The following ZC3HAV1 variants were observed in gnomAD, a reference collection of about 807,000 sequenced individuals.
ZC3HAV1 encodes zinc finger CCCH-type antiviral protein 1.
Under a neutral mutation model 86.6 loss-of-function variants are expected in ZC3HAV1, and 41 were observed. The ratio of observed to expected loss-of-function variants is 0.47; its 90% confidence interval spans 0.37 to 0.61. The LOEUF is 0.61. Among genes scored for constraint, ZC3HAV1 ranks in the 20% least tolerant of loss-of-function variants. ZC3HAV1 has a pLI of 0.00. For missense variants in ZC3HAV1, 964 were observed against 1,141.1 expected (o/e 0.84, Z 2.24); for synonymous variants, 421 against 432.1 (o/e 0.97, Z 0.32).
At chr7:139,090,254 A>C (rs1322518985) in intron 1 of ZC3HAV1, among the ~76,000 whole-genome samples, 3 of 152,154 alleles carry the variant, frequency 2.0e-5, no homozygotes, top group Non-Finnish European at 4.4e-5. Flanking sequence ...TTTAAATATT[A>C]ACAGTAATTT....
rs564478705 is a variant in ZC3HAV1 at position 139,089,592 on chromosome 7, C to T, written c.444+32G>A. The T allele has an allele frequency of 3.2e-6, 5 of 1,570,046 alleles. No homozygotes were observed. The Admixed American group carries it at 8.0e-5, about 25-fold the overall frequency. ...GTGACACAATACTGCCAGTAATATTCTCCCTCCTTAAACTGAGGAATCACA... is the reference window on the plus strand; with the variant it reads ...GTGACACAATACTGCCAGTAATATTTTCCCTCCTTAAACTGAGGAATCACA... On this transcript the variant is annotated intron_variant, in intron 2 of 12. Coordinates refer to ENST00000242351, the MANE Select transcript of ZC3HAV1 (RefSeq NM_020119.4).
intron 7 of ZC3HAV1, among the ~76,000 whole-genome samples, chr7:139,069,523 A>G (rs1816706374): frequency 6.6e-6 from 1 of 151,858 alleles, no homozygotes; most frequent in African/African-American, 2.4e-5. Flanking sequence ...GCACTCCCTA[A>G]CTGGTGCACA....
At chr7:139,055,494 T>G (rs2297240) in intron 9 of ZC3HAV1, among the ~76,000 whole-genome samples, 199 bp from the exon 10 acceptor site, 3 of 152,030 alleles carry the variant, frequency 2.0e-5, no homozygotes, top group African/African-American at 7.2e-5. Flanking sequence ...ATGCTGCAAC[T>G]ATTCATAATC....
rs1329168806 is a variant in ZC3HAV1, at chr7:139,047,697, T to G, written c.2606A>C (p.Asp869Ala). Residue 869 changes from aspartate to alanine, a missense_variant, in exon 13 of 13, where the codon GAT (aspartate) becomes GCT (alanine). Transcript: ENST00000242351. ...AAAAACGGAGGGATTCGATCTGGTA[T>G]CCACACAGCTGTCGAACTGTGGAGG... ...SPPPQFDSCV[D>A]TRSNPSVFVI... is the part of the protein sequence containing the mutation. The G allele has an allele frequency of 6.2e-7, 1 of 1,614,032 alleles. No individual in the cohort carries two copies. The highest frequency in any genetic ancestry group is 8.5e-7 in the Non-Finnish European group (1 of 1,180,038).
intron 8 of ZC3HAV1, among the ~76,000 whole-genome samples, chr7:139,062,341 C>T (rs1017501474): frequency 2.0e-5 from 3 of 152,328 alleles, no homozygotes; most frequent in South Asian, 4.1e-4. Context: ...CTGCTCTCAT[C>T]TCTTACAGAC....
chr7:139,073,084 T>C (rs924996580), intron 7 of ZC3HAV1, among the ~76,000 whole-genome samples: 2 of 152,068 alleles, frequency 1.3e-5, no homozygotes, highest in Non-Finnish European at 2.9e-5. Flanking sequence ...TAACCTGAGG[T>C]CAGGAGTTCA....
intron 1 of ZC3HAV1, among the ~76,000 whole-genome samples, chr7:139,096,137 C>A (rs1584870571): frequency 6.6e-6 from 1 of 152,158 alleles, no homozygotes; most frequent in Non-Finnish European, 1.5e-5. Context: ...GCCTCAGCCT[C>A]CCGAGTAGCT....
chr7:139,056,383 T>G (rs1160115301), intron 9 of ZC3HAV1, among the ~76,000 whole-genome samples: 4 of 144,348 alleles, frequency 2.8e-5, no homozygotes, highest in African/African-American at 1.0e-4. Flanking sequence ...TTTATTGTTT[T>G]TTTTTTTTCC....
In ZC3HAV1 at chr7:139,073,655, T is replaced by C. The variant is rs552069223; in HGVS notation, c.1872+201A>G. On this transcript the variant is annotated intron_variant, in intron 7 of 12. Transcript: ENST00000242351. ...ATAGGCGCCTGCCACCACGCCTGGC[T>C]AATTTTTGTATTTTTAATAGAGATG... is the stretch of plus-strand genomic sequence containing the variant. Among the ~76,000 whole-genome samples the C allele has an allele frequency of 5.9e-5, 9 of 152,134 alleles. No homozygotes were observed. The South Asian group carries it at 1.9e-3, about 32-fold the overall frequency.
At chr7:139,101,493 C>A (rs1817767563) in intron 1 of ZC3HAV1, among the ~76,000 whole-genome samples, 8 of 102,310 alleles carry the variant, frequency 7.8e-5, no homozygotes, top group Non-Finnish European at 1.2e-4. Flanking sequence ...AGCCCGGCCA[C>A]CACCCCGTCT....
In ZC3HAV1 at chr7:139,108,197, C is replaced by G. The variant is rs1162655878; in HGVS notation, c.308+827G>C. Among the ~76,000 whole-genome samples the G allele has an allele frequency of 1.3e-5, 2 of 151,716 alleles. No homozygotes were observed. The highest frequency in any genetic ancestry group is 3.9e-4 in the East Asian group (2 of 5,160). ...GCAGCTGTCCTCGAGGGAGCAAGCT[C>G]TCTTAGGGAGAAACTGGGAAGAAAA... On this transcript the variant is annotated intron_variant, in intron 1 of 12. Transcript: ENST00000242351. This position sits in a 1 kb window ranked among gnomAD's most constrained non-coding sequence, Gnocchi z 4.2.
intron 1 of ZC3HAV1, among the ~76,000 whole-genome samples, chr7:139,101,501 T>A (rs1200033614): frequency 2.0e-5 from 2 of 101,826 alleles, no homozygotes; most frequent in African/African-American, 3.9e-5. Flanking sequence ...CACCACCCCG[T>A]CTGGGAGGTG....
At chr7:139,076,591 A>G (rs1381648156) in intron 5 of ZC3HAV1, among the ~76,000 whole-genome samples, 182 bp from the exon 6 acceptor site, 3 of 152,122 alleles carry the variant, frequency 2.0e-5, no homozygotes, top group Non-Finnish European at 4.4e-5. Context: ...TTGGAGACTC[A>G]TCAGAAAACA....
chr7:139,066,014 G>T (rs1473276501), intron 7 of ZC3HAV1, among the ~76,000 whole-genome samples: 2 of 152,142 alleles, frequency 1.3e-5, no homozygotes, highest in Non-Finnish European at 2.9e-5. Context: ...AGGTAAAAGG[G>T]AAATGAGTTG....
chr7:139,089,562 T>C (rs1364472860), intron 2 of ZC3HAV1, 62 bp downstream of exon 2: 1 of 1,497,178 alleles, frequency 6.7e-7, no homozygotes, highest in African/African-American at 1.4e-5. Context: ...TACTCCAAAA[T>C]ATCTGTGACA....
intron 7 of ZC3HAV1, among the ~76,000 whole-genome samples, chr7:139,067,350 T>C (rs898702445): frequency 6.6e-6 from 1 of 152,128 alleles, no homozygotes. Context: ...AGGGTTTCAC[T>C]GTATTGATCA....
chr7:139,052,645 A>G (rs1334814898), intron 12 of ZC3HAV1, among the ~76,000 whole-genome samples: 8 of 149,502 alleles, frequency 5.4e-5, no homozygotes, highest in Non-Finnish European at 1.2e-4. Context: ...GCATGCATCC[A>G]GGAGCAGTGG....
intron 9 of ZC3HAV1, among the ~76,000 whole-genome samples, chr7:139,056,391 TC>T (rs1303519286): frequency 1.6e-4 from 18 of 109,466 alleles, no homozygotes; most frequent in African/African-American, 6.3e-4. Flanking sequence ...TTTTTTTTTT[TC>T]CTTTTTCTTT....
chr7:139,102,690 G>A (rs1024535670), intron 1 of ZC3HAV1, among the ~76,000 whole-genome samples: 6 of 151,412 alleles, frequency 4.0e-5, no homozygotes, highest in Admixed American at 2.0e-4. Flanking sequence ...CCAGGCACTC[G>A]AGACCAGCCT....
Sources: allele counts gnomAD v4.1 joint callset (sites outside exome capture counted in the v4.1 genomes callset), GRCh38; gene constraint gnomAD v4.1.1; non-coding constraint Gnocchi (gnomAD v3.1); transcripts MANE v1.5; gene names NCBI Gene and HGNC (gene_info 2026-07-23, HGNC 2026-07-21).